Variants in KCNH5 observed in about 807,000 individuals in gnomAD.
The protein encoded by KCNH5 is potassium voltage-gated channel subfamily H member 5.
KCNH5 carries 46 observed loss-of-function variants against 96.1 expected under a neutral mutation model. The ratio of observed to expected loss-of-function variants is 0.48; its 90% CI spans 0.38 to 0.61. The LOEUF is 0.61. Ranked by LOEUF, KCNH5 falls within the 20% of genes least tolerant of loss-of-function variation. The probability of loss-of-function intolerance (pLI) is 0.00; values close to 1 mark genes in which losing one functional copy is unlikely to be tolerated. For synonymous variants in KCNH5, 439 were observed against 449.8 expected (o/e 0.98, Z 0.30); for missense variants, 907 against 1,225.8 (o/e 0.74, Z 3.88).
chr14:62,744,087 T>C (rs1461124266), intron 10 of KCNH5, among the ~76,000 whole-genome samples: 2 of 152,204 alleles, frequency 1.3e-5, no homozygotes, highest in African/African-American at 4.8e-5. Flanking sequence ...GCTTATTAAC[T>C]TCAGATTTGT....
chr14:62,843,932 T>C (rs889086874), intron 8 of KCNH5, among the ~76,000 whole-genome samples: 3 of 152,138 alleles, frequency 2.0e-5, no homozygotes, highest in Non-Finnish European at 2.9e-5. Context: ...TAAAAAAATA[T>C]ACAAAATTAA....
chr14:62,777,165 A>G (rs1294275942), intron 10 of KCNH5, among the ~76,000 whole-genome samples: 18 of 152,264 alleles, frequency 1.2e-4, no homozygotes, highest in Middle Eastern at 3.2e-3. Context: ...GAATAAGTGA[A>G]TGAGAAACTA....
chr14:62,733,857 C>A (rs1425131802), intron 10 of KCNH5, among the ~76,000 whole-genome samples: 1 of 152,166 alleles, frequency 6.6e-6, no homozygotes, highest in Non-Finnish European at 1.5e-5. Flanking sequence ...TGGTGCTCCC[C>A]ATAGTTCAGT....
intron 8 of KCNH5, among the ~76,000 whole-genome samples, chr14:62,809,527 G>A (rs1263334893): frequency 6.6e-6 from 1 of 152,070 alleles, no homozygotes; most frequent in Non-Finnish European, 1.5e-5. Context: ...AACCTCAAAA[G>A]GAGAGGAATT....
intron 8 of KCNH5, among the ~76,000 whole-genome samples, chr14:62,818,312 T>C (rs904535771): frequency 2.0e-5 from 3 of 152,170 alleles, no homozygotes; most frequent in African/African-American, 7.2e-5. Context: ...TTCACATATA[T>C]ATCAAATTCT....
At chr14:63,036,830 T>C (rs1388041290) in intron 1 of KCNH5, among the ~76,000 whole-genome samples, 1 of 152,108 alleles carries the variant, frequency 6.6e-6, no homozygotes, top group Admixed American at 6.5e-5. Flanking sequence ...AAGCTCATGA[T>C]AGCTATAAGA....
At chr14:62,742,590 G>C (rs1307089081) in intron 10 of KCNH5, among the ~76,000 whole-genome samples, 1 of 152,190 alleles carries the variant, frequency 6.6e-6, no homozygotes, top group African/African-American at 2.4e-5. Context: ...CCCCAGGTGA[G>C]TCTAAACTAC....
rs1473306904 is a variant in KCNH5, at chr14:62,941,499, G to A, written c.1369+8634C>T. 3.3e-5 allele frequency among the ~76,000 whole-genome samples: 5 copies of A among 152,134 alleles called. No individual in the cohort carries two copies. The East Asian group carries it at 9.7e-4, about 29-fold the overall frequency. The stretch of plus-strand genomic sequence containing the variant: ...AGGTGCCTATAACCCTGAACTTGGG[G>A]CTCCATAAAATGTTTTTTCTCATGC... On this transcript the variant is annotated intron_variant, in intron 7 of 10. Transcript: ENST00000322893.
intron 7 of KCNH5, among the ~76,000 whole-genome samples, chr14:62,871,453 GAC>G (rs1194052329): frequency 5.9e-5 from 9 of 152,142 alleles, no homozygotes; most frequent in Non-Finnish European, 5.9e-5. Flanking sequence ...TCGATTGAAA[GAC>G]AGTTCAATTA....
chr14:62,767,965 A>C (rs142931330), intron 10 of KCNH5, among the ~76,000 whole-genome samples: 1,754 of 152,296 alleles, frequency 0.012, 30 homozygotes, highest in African/African-American at 0.04. Flanking sequence ...ACAGAAAGTC[A>C]AATACCACAA....
chr14:62,902,353 T>TAG, intron 7 of KCNH5, among the ~76,000 whole-genome samples: 1 of 152,186 alleles, frequency 6.6e-6, no homozygotes, highest in African/African-American at 2.4e-5. Context: ...TTTGAGGTCT[T>TAG]ACATTGAAAT....
rs781687400 is a variant in KCNH5, at chr14:62,849,616, A to G, written c.1569+37T>C. On this transcript the variant is annotated intron_variant, in intron 8 of 10. Coordinates refer to ENST00000322893, the MANE Select transcript of KCNH5 (RefSeq NM_139318.5). ...GCTTAATGCATCTGAAGATCCTACT[A>G]AAATAGAAACTAAATAATAACAATA... The G allele has an allele frequency of 5.1e-6, 8 of 1,556,882 alleles. No individual in the cohort carries two copies. In the East Asian group the frequency reaches 6.7e-5, roughly 13 times the overall value.
At chr14:62,863,120 A>G (rs1181951878) in intron 7 of KCNH5, among the ~76,000 whole-genome samples, 2 of 152,144 alleles carry the variant, frequency 1.3e-5, no homozygotes, top group African/African-American at 2.4e-5. Context: ...TTAATCATTC[A>G]TCTTGCTTTA....
At chr14:62,843,249 G>A (rs572479512) in intron 8 of KCNH5, among the ~76,000 whole-genome samples, 40 of 152,206 alleles carry the variant, frequency 2.6e-4, no homozygotes, top group Admixed American at 5.2e-4. Context: ...ATATCCAGCA[G>A]AAGTTGAACA....
chr14:62,968,437 T>A (rs779428052), intron 6 of KCNH5, among the ~76,000 whole-genome samples: 1 of 152,224 alleles, frequency 6.6e-6, no homozygotes, highest in Non-Finnish European at 1.5e-5. Context: ...CTTGGAGGCT[T>A]AACCCTAGGG....
intron 8 of KCNH5, among the ~76,000 whole-genome samples, chr14:62,829,037 T>C (rs1887286087): frequency 6.6e-6 from 1 of 152,074 alleles, no homozygotes; most frequent in Non-Finnish European, 1.5e-5. Context: ...TGAAGTTCAG[T>C]AGGGCAGCCA....
intron 10 of KCNH5, among the ~76,000 whole-genome samples, chr14:62,709,362 T>G (rs1884521290): frequency 6.6e-6 from 1 of 151,636 alleles, no homozygotes; most frequent in African/African-American, 2.4e-5. Flanking sequence ...GAGGGGAGAA[T>G]TTAAATTGAT....
At chr14:63,037,034 A>T (rs1891734427) in intron 1 of KCNH5, among the ~76,000 whole-genome samples, 1 of 152,212 alleles carries the variant, frequency 6.6e-6, no homozygotes, top group Non-Finnish European at 1.5e-5. Context: ...AATTAAAAAC[A>T]TCAACTATAG....
At chr14:62,990,471 A>G (rs1055838367) in intron 4 of KCNH5, among the ~76,000 whole-genome samples, 4 of 148,766 alleles carry the variant, frequency 2.7e-5, no homozygotes, top group South Asian at 2.1e-4. Context: ...TTTCTTGAAG[A>G]AAAAAAATCA....
Sources: gnomAD v4.1 joint callset for allele counts (sites outside exome capture counted in the v4.1 genomes callset) on GRCh38, gnomAD v4.1.1 for gene constraint, MANE v1.5 for transcripts, NCBI Gene and HGNC (gene_info 2026-07-23, HGNC 2026-07-21) for gene names.